Variants in TRMT11 observed in about 807,000 individuals in gnomAD.
TRMT11 encodes the protein tRNA (guanine(10)-N(2))-methyltransferase TRMT11.
In TRMT11, 53 loss-of-function variants were observed where a neutral mutation model predicts 62.8. The observed-to-expected ratio is 0.84, with a 90% CI of 0.68 to 1.06. The LOEUF (loss-of-function observed/expected upper bound fraction) is 1.06, where lower values mean the gene tolerates loss of function less well. Ranked by LOEUF, TRMT11 falls within the 50% of genes least tolerant of loss-of-function variation. The pLI is 0.00. For synonymous variants in TRMT11, 188 were observed against 190.3 expected (o/e 0.99, Z 0.10); for missense variants, 556 against 553.4 (o/e 1.00, Z -0.05).
At chr6:126,076,045 G>A (rs1777012624) in intron 17 of TRMT11, among the ~76,000 whole-genome samples, 1 of 150,096 alleles carries the variant, frequency 6.7e-6, no homozygotes, top group Non-Finnish European at 1.5e-5. Context: ...CTATATTTTT[G>A]TCAACTAGAA....
chr6:126,149,077 A>G (rs1357597570), intron 21 of TRMT11, among the ~76,000 whole-genome samples: 1 of 152,232 alleles, frequency 6.6e-6, no homozygotes, highest in African/African-American at 2.4e-5. Context: ...AGTATCTGGT[A>G]GGACTTTTGA....
chr6:126,067,333 T>C (rs1172183179), intron 17 of TRMT11, among the ~76,000 whole-genome samples: 1 of 152,226 alleles, frequency 6.6e-6, no homozygotes, highest in Non-Finnish European at 1.5e-5. Flanking sequence ...GCCAAAGTGC[T>C]ACTTCAGAAT....
intron 1 of TRMT11, among the ~76,000 whole-genome samples, chr6:126,178,972 A>G (rs796180864): frequency 4.6e-5 from 7 of 152,242 alleles, no homozygotes; most frequent in African/African-American, 1.7e-4. Flanking sequence ...ATCAGGGTAT[A>G]TAGGAGGGGT....
chr6:126,026,009 A>G (rs1404172808), intron 12 of TRMT11, among the ~76,000 whole-genome samples: 6 of 152,242 alleles, frequency 3.9e-5, no homozygotes, highest in African/African-American at 9.6e-5. Flanking sequence ...GCACATATGT[A>G]GTAAAGAAGA....
chr6:126,264,187 C>T, the TRMT11 span, among the ~76,000 whole-genome samples: 53 of 152,262 alleles, frequency 3.5e-4, no homozygotes, highest in South Asian at 9.5e-3. Context: ...GGAGAGTAAA[C>T]AGGAGTAAAC....
intron 12 of TRMT11, among the ~76,000 whole-genome samples, chr6:126,023,698 A>C (rs1796158519): frequency 6.6e-6 from 1 of 152,072 alleles, no homozygotes; most frequent in Non-Finnish European, 1.5e-5. Context: ...ATGCAATAAT[A>C]TGTTGTATGT....
chr6:126,218,498 G>A, the TRMT11 span, among the ~76,000 whole-genome samples: 8 of 152,342 alleles, frequency 5.3e-5, no homozygotes, highest in South Asian at 1.4e-3. Flanking sequence ...CTGGCCCAGG[G>A]TATAGCTAGA....
chr6:126,159,385 G>A lies in TRMT11; in HGVS notation c.*1824-15440G>A, dbSNP rs144340637. ...TTGTGCAAAACTAGCCATAGACAAT[G>A]CGTAAACAAATATGTATGGTTTTGT... On this transcript the variant is annotated intron_variant and NMD_transcript_variant, in intron 21 of 22. Transcript: ENST00000648977. Among the ~76,000 whole-genome samples, 1,436 of 152,206 alleles carry A rather than the reference G, an allele frequency of 9.4e-3. 11 individuals carry two copies. Among genetic ancestry groups the A allele is most frequent in the Non-Finnish European group, 0.015 (989 of 68,020 alleles).
chr6:126,154,346 TG>T (rs1778093836), intron 21 of TRMT11, among the ~76,000 whole-genome samples: 1 of 151,804 alleles, frequency 6.6e-6, no homozygotes, highest in African/African-American at 2.4e-5. Context: ...TGTATGTGTG[TG>T]TGTGTGTGTG....
chr6:126,093,469 C>T (rs965385086), intron 17 of TRMT11, among the ~76,000 whole-genome samples: 33 of 149,214 alleles, frequency 2.2e-4, no homozygotes, highest in Non-Finnish European at 8.9e-5. Flanking sequence ...GCAGAAGGGA[C>T]ATGTAACTGC....
intron 17 of TRMT11, among the ~76,000 whole-genome samples, chr6:126,092,681 GTTTC>G (rs1244693918): frequency 6.6e-6 from 1 of 152,076 alleles, no homozygotes; most frequent in Non-Finnish European, 1.5e-5. Flanking sequence ...TGATTGGTCT[GTTTC>G]TTTATTTCTT....
chr6:126,248,961 A>C, the TRMT11 span, among the ~76,000 whole-genome samples: 4 of 152,218 alleles, frequency 2.6e-5, no homozygotes, highest in African/African-American at 9.6e-5. Flanking sequence ...ATGTTCTTGA[A>C]ATTAAGATGT....
At chr6:126,081,508 A>G (rs759189607) in intron 17 of TRMT11, among the ~76,000 whole-genome samples, 9 of 152,186 alleles carry the variant, frequency 5.9e-5, no homozygotes, top group Non-Finnish European at 1.3e-4. Flanking sequence ...TGTAAACTAG[A>G]GAGTGGGACA....
At chr6:126,139,473 A>G (rs1376216784) in intron 21 of TRMT11, among the ~76,000 whole-genome samples, 2 of 151,972 alleles carry the variant, frequency 1.3e-5, no homozygotes, top group East Asian at 3.9e-4. Context: ...GGTTCAAGCA[A>G]TTCTCCTGCC....
At chr6:126,268,273 C>T in the TRMT11 span, among the ~76,000 whole-genome samples, 14 of 152,256 alleles carry the variant, frequency 9.2e-5, no homozygotes, top group Non-Finnish European at 1.6e-4. Flanking sequence ...TGGGTGATTT[C>T]TAACCAAGCT....
chr6:126,022,559 C>G (rs1338413176), intron 12 of TRMT11, among the ~76,000 whole-genome samples: 1 of 152,146 alleles, frequency 6.6e-6, no homozygotes, highest in East Asian at 1.9e-4. Flanking sequence ...TCACAGTCTC[C>G]TAAATGATCT....
the TRMT11 span, among the ~76,000 whole-genome samples, chr6:126,271,256 C>G: frequency 6.7e-6 from 1 of 149,114 alleles, no homozygotes; most frequent in South Asian, 2.1e-4. Flanking sequence ...CCCAGCTACT[C>G]AGGGGGCTGA....
intron 11 of TRMT11, among the ~76,000 whole-genome samples, chr6:126,017,265 A>G (rs999250972): frequency 6.6e-6 from 1 of 152,202 alleles, no homozygotes; most frequent in African/African-American, 2.4e-5. Context: ...AAACCCTGTT[A>G]TATGATTCAA....
intron 12 of TRMT11, among the ~76,000 whole-genome samples, chr6:126,030,237 G>T (rs1287096539): frequency 3.3e-5 from 5 of 152,118 alleles, no homozygotes. Flanking sequence ...GGTTTCTATA[G>T]CTACTGTCCA....
Sources: gnomAD v4.1 joint callset for allele counts (sites outside exome capture counted in the v4.1 genomes callset) on GRCh38, gnomAD v4.1.1 for gene constraint, MANE v1.5 for transcripts, NCBI Gene and HGNC (gene_info 2026-07-23, HGNC 2026-07-21) for gene names.